DOP1A: variants seen among roughly 807,000 people sequenced by gnomAD.
DOP1A encodes the protein DOP1 leucine zipper like protein A, also known as protein DOP1A.
Under a neutral mutation model 267.6 loss-of-function variants are expected in DOP1A, and 90 were observed. The observed-to-expected ratio is 0.34, with a 90% CI of 0.28 to 0.40. DOP1A has a LOEUF of 0.40. Among genes scored for constraint, DOP1A ranks in the 10% least tolerant of loss-of-function variants. The pLI, the probability that DOP1A is intolerant of heterozygous loss-of-function variation, is 1.00. For missense variants in DOP1A, 2,437 were observed against 2,900.4 expected, an observed-to-expected ratio of 0.84 and a Z score of 3.67; for synonymous variants, 932 against 999.1, an observed-to-expected ratio of 0.93 and a Z score of 1.27.
In DOP1A at chr6:83,095,040, GTCCTGCCTCAGCCTCCCGAGTAAC is replaced by G. The variant is rs1213228937; in HGVS notation, c.-146-1689_-146-1666del. Among the ~76,000 whole-genome samples, 3 of 152,064 alleles carry G rather than the reference GTCCTGCCTCAGCCTCCCGAGTAAC, an allele frequency of 2.0e-5. No homozygotes were observed. The East Asian group carries it at 5.8e-4, about 29-fold the overall frequency. Reference sequence around the variant, plus strand: ...CTCGGACTGCCGGGTTCAAGTGATAGTCCTGCCTCAGCCTCCCGAGTAACTGAGATTACAGGCATGAGCCACCAC... The same window carrying G: ...CTCGGACTGCCGGGTTCAAGTGATAGTGAGATTACAGGCATGAGCCACCAC... On this transcript the variant is annotated intron_variant, in intron 1 of 38. Coordinates refer to ENST00000349129, the MANE Select transcript of DOP1A (RefSeq NM_015018.4).
At chr6:83,158,071 T>C (rs1783225625) in intron 35 of DOP1A, among the ~76,000 whole-genome samples, 1 of 152,092 alleles carries the variant, frequency 6.6e-6, no homozygotes, top group Non-Finnish European at 1.5e-5. Context: ...AGATCTCAGC[T>C]CACTGCAAGC....
At chr6:83,115,010 A>G (rs914866392) in intron 7 of DOP1A, among the ~76,000 whole-genome samples, 1 of 152,188 alleles carries the variant, frequency 6.6e-6, no homozygotes, top group Non-Finnish European at 1.5e-5. Context: ...TACATATAAT[A>G]GAATACAATC....
chr6:83,146,855 C>T (rs1780717500), intron 25 of DOP1A, among the ~76,000 whole-genome samples: 1 of 152,132 alleles, frequency 6.6e-6, no homozygotes, highest in Non-Finnish European at 1.5e-5. Context: ...TGTAATAAGA[C>T]TCAAATACAC....
At position 83,100,815 on chromosome 6, in the gene DOP1A, G is replaced by A. The variant is rs570820511; in HGVS notation, c.249G>A (p.Ala83=). 2.4e-5 allele frequency: 38 copies of A among 1,591,380 alleles called. No homozygotes were observed. Among genetic ancestry groups the A allele is most frequent in the Middle Eastern group, 1.7e-4 (1 of 5,996 alleles). Residue 83 remains alanine, a synonymous_variant, in exon 4 of 39, where the codon GCG becomes GCA. Transcript: ENST00000349129. Reference sequence around the variant, plus strand: ...TACCAGGTGGAGTTCATCGGAAGGCGCTTGAAACATATGAAATTATCTTCA... The same window carrying A: ...TACCAGGTGGAGTTCATCGGAAGGCACTTGAAACATATGAAATTATCTTCA... ...PALPGGVHRK[A]LETYEIIFKI...
In DOP1A at chr6:83,130,192, T is replaced by G. The variant is rs764133977; in HGVS notation, c.2411T>G (p.Phe804Cys). The change falls in exon 17 of 39, where the codon TTC becomes TGC. Residue 804 changes from phenylalanine (F) to cysteine (C), a missense_variant. Phe to Cys is a radical substitution (Grantham distance 205). Coordinates refer to ENST00000349129, the MANE Select transcript of DOP1A (RefSeq NM_015018.4). ...LMNACSQASDFSVQSVAISLV... is the reference protein window; with the variant it reads ...LMNACSQASDCSVQSVAISLV... ...AATGCTTGCAGCCAAGCAAGTGATT[T>G]CAGTGTTCAGAGTGTTGCTATTTCA... The G allele has an allele frequency of 6.2e-7, 1 of 1,614,016 alleles. No individual in the cohort carries two copies. The highest frequency in any genetic ancestry group is 8.5e-7 in the Non-Finnish European group (1 of 1,180,004).
At position 83,159,805 on chromosome 6, in the gene DOP1A, G is replaced by T. The variant is rs998288958; in HGVS notation, c.6807G>T (p.Gly2269=). 6.2e-7 allele frequency: 1 copy of T among 1,614,132 alleles called. No homozygotes were observed. The highest frequency in any genetic ancestry group is 1.1e-5 in the South Asian group (1 of 91,074). Residue 2269 remains glycine (G), a synonymous_variant, in exon 37 of 39, where the codon GGG becomes GGT. Transcript: ENST00000349129. ...TGTCTCCTGCTTACAGGACTTCAGG[G>T]CCCTCTGTGGCTGGTCTGGAGACAA... ...TADEDISRTS[G]PSVAGLETTY...
chr6:83,083,694 C>T (rs1028223307), intron 1 of DOP1A, among the ~76,000 whole-genome samples: 8 of 152,074 alleles, frequency 5.3e-5, no homozygotes, highest in South Asian at 4.1e-4. Flanking sequence ...TTGAGTAATA[C>T]GTGGACAATG....
intron 24 of DOP1A, among the ~76,000 whole-genome samples, chr6:83,143,385 G>A (rs536201669): frequency 6.6e-6 from 1 of 152,282 alleles, no homozygotes; most frequent in African/African-American, 2.4e-5. Flanking sequence ...TAATCACTGT[G>A]TAAATATTAG....
At chr6:83,145,683 G>T in intron 25 of DOP1A, 25 bp downstream of exon 25, 12 of 1,605,494 alleles carry the variant, frequency 7.5e-6, no homozygotes, top group Non-Finnish European at 8.5e-6. Flanking sequence ...TTCTTCACAT[G>T]TGTTTACAAT....
intron 1 of DOP1A, among the ~76,000 whole-genome samples, chr6:83,069,019 TGTAAG>T (rs1343429642): frequency 6.6e-6 from 1 of 152,180 alleles, no homozygotes. Context: ...AAATCTTAAA[TGTAAG>T]GTAAGTGTTG....
chr6:83,139,155 G>C lies in DOP1A; in HGVS notation c.5113G>C (p.Asp1705His). Residue 1705 changes from aspartate to histidine, a missense_variant, in exon 21 of 39, where the codon GAT (aspartate) becomes CAT (histidine). Physicochemically the swap from Asp to His is moderately conservative, Grantham distance 81. Around this residue, in one of 9 missense-constraint regions of DOP1A, gnomAD observed 307 missense variants for 308.6 expected, o/e 0.99. Transcript: ENST00000349129. Reference protein sequence around the residue: ...QQYKYETGLSDSRPLWMASII... With the variant: ...QQYKYETGLSHSRPLWMASII... The stretch of plus-strand genomic sequence containing the variant: ...GTACAAATACGAAACAGGATTATCT[G>C]ATAGTAGGTAAGAGGTGATTTTTAA... 1 of 1,608,910 alleles carries C rather than the reference G, an allele frequency of 6.2e-7. No homozygotes were observed. Among genetic ancestry groups the C allele is most frequent in the Non-Finnish European group, 8.5e-7 (1 of 1,176,264 alleles).
At chr6:83,103,404 G>A (rs991152905) in intron 4 of DOP1A, among the ~76,000 whole-genome samples, 1 of 152,048 alleles carries the variant, frequency 6.6e-6, no homozygotes, top group South Asian at 2.1e-4. Context: ...TGGGTGATGG[G>A]TGCACCAAAA....
intron 6 of DOP1A, among the ~76,000 whole-genome samples, chr6:83,111,700 A>C (rs1774589354): frequency 6.6e-6 from 1 of 152,104 alleles, no homozygotes; most frequent in Non-Finnish European, 1.5e-5. Context: ...TCCTTTGTCC[A>C]TCTTAAAAAT....
chr6:83,094,581 C>T (rs1054460945), intron 1 of DOP1A, among the ~76,000 whole-genome samples: 6 of 152,192 alleles, frequency 3.9e-5, no homozygotes, highest in Non-Finnish European at 7.3e-5. Flanking sequence ...TTTATTGTAA[C>T]CATCCTAGTA....
chr6:83,150,426 G>C (rs1781422233), intron 27 of DOP1A, among the ~76,000 whole-genome samples: 1 of 151,906 alleles, frequency 6.6e-6, no homozygotes, highest in Admixed American at 6.6e-5. Context: ...TCAGAATGAA[G>C]GATCCTCTTC....
intron 1 of DOP1A, among the ~76,000 whole-genome samples, chr6:83,075,060 A>T (rs1418702826): frequency 6.6e-6 from 1 of 152,188 alleles, no homozygotes; most frequent in East Asian, 1.9e-4. Flanking sequence ...TCAGATATGT[A>T]TTGTACATAT....
intron 4 of DOP1A, among the ~76,000 whole-genome samples, chr6:83,107,597 A>G (rs1773854599): frequency 6.6e-6 from 1 of 152,166 alleles, no homozygotes. Flanking sequence ...ACATTAAGCA[A>G]TTCAAATAAA....
chr6:83,110,111 T>G lies in DOP1A; in HGVS notation c.492-14T>G, dbSNP rs1774301500. ...AAATGTTTCCCTTCTTAAACCACTTTATTTATACCTCAGAACAAATATGTT... is the reference window on the plus strand; with the variant it reads ...AAATGTTTCCCTTCTTAAACCACTTGATTTATACCTCAGAACAAATATGTT... On this transcript the variant is annotated splice_polypyrimidine_tract_variant and intron_variant, in intron 5 of 38. Transcript: ENST00000349129. 1 of 1,553,264 alleles carries G rather than the reference T, an allele frequency of 6.4e-7. No individual in the cohort carries two copies.
At chr6:83,144,652 AAG>A (rs1232799762) in intron 24 of DOP1A, among the ~76,000 whole-genome samples, 1 of 152,294 alleles carries the variant, frequency 6.6e-6, no homozygotes, top group Non-Finnish European at 1.5e-5. Flanking sequence ...AGAAAAGTAT[AAG>A]AGAGCTACAT....
Sources: allele counts gnomAD v4.1 joint callset (sites outside exome capture counted in the v4.1 genomes callset), GRCh38; gene constraint gnomAD v4.1.1; regional missense constraint gnomAD v4.1.1; transcripts MANE v1.5; gene names NCBI Gene and HGNC (gene_info 2026-07-23, HGNC 2026-07-21).